The following MAN1A2 variants were observed in gnomAD, a reference collection of about 807,000 sequenced individuals.
The protein encoded by MAN1A2 is mannosidase alpha class 1A member 2.
A neutral mutation model predicts 75.7 loss-of-function variants in MAN1A2; 26 were observed. That is an observed-to-expected ratio of 0.34 (90% CI 0.25 to 0.48). MAN1A2 has a LOEUF of 0.48. MAN1A2 is among the 20% of genes least tolerant of loss of function. The pLI, the probability that MAN1A2 is intolerant of heterozygous loss-of-function variation, is 0.99. For synonymous variants in MAN1A2, 247 were observed against 264.6 expected, an observed-to-expected ratio of 0.93 and a Z score of 0.65; for missense variants, 562 against 775.5, an observed-to-expected ratio of 0.72 and a Z score of 3.27.
chr1:117,405,770 G>A (rs1470211199), intron 3 of MAN1A2, 125 bp downstream of exon 3: 40 of 701,430 alleles, frequency 5.7e-5, no homozygotes, highest in African/African-American at 1.1e-4. Flanking sequence ...GAAGAAACAG[G>A]TATGATTTTT....
rs901376805 is a variant in MAN1A2, at chr1:117,523,953, A to C, written c.*996A>C. The stretch of plus-strand genomic sequence containing the variant: ...AAAAATCACTATAAGGCAGCTCTAA[A>C]TTTGCCTTGATAAGCTAAATAAATT... On this transcript the variant is annotated 3_prime_UTR_variant, in exon 13 of 13. Coordinates refer to ENST00000356554, the MANE Select transcript of MAN1A2 (RefSeq NM_006699.5). 4 of 152,258 alleles carry C rather than the reference A, an allele frequency of 2.6e-5. No individual in the cohort carries two copies. Among genetic ancestry groups the C allele is most frequent in the African/African-American group, 9.7e-5 (4 of 41,422 alleles). The allele number at this position is 152,258 out of a possible 1,614,324, so 9.4% of individuals were successfully genotyped here.
intron 1 of MAN1A2, among the ~76,000 whole-genome samples, chr1:117,389,689 T>C (rs1653656168): frequency 6.6e-6 from 1 of 152,216 alleles, no homozygotes; most frequent in East Asian, 1.9e-4. Context: ...TTTAAAGGTC[T>C]TATAAGGTTT....
intron 8 of MAN1A2, among the ~76,000 whole-genome samples, chr1:117,471,039 CT>C (rs138176979): frequency 3.1e-4 from 46 of 148,032 alleles, no homozygotes; most frequent in Admixed American, 1.4e-3. Flanking sequence ...TTTTCTAAAA[CT>C]TTTTTTTTTG....
At chr1:117,483,277 A>G (rs1276911238) in intron 8 of MAN1A2, among the ~76,000 whole-genome samples, 1 of 152,116 alleles carries the variant, frequency 6.6e-6, no homozygotes, top group Non-Finnish European at 1.5e-5. Context: ...TCTGTGAAGA[A>G]AGTCATTGGT....
intron 1 of MAN1A2, among the ~76,000 whole-genome samples, chr1:117,372,387 T>C (rs981651547): frequency 6.6e-5 from 10 of 152,140 alleles, no homozygotes; most frequent in African/African-American, 2.2e-4. Context: ...AATGTCTAGG[T>C]TTCTGGGTGA....
chr1:117,387,837 C>T (rs1366628628), intron 1 of MAN1A2, among the ~76,000 whole-genome samples: 1 of 152,082 alleles, frequency 6.6e-6, no homozygotes, highest in Non-Finnish European at 1.5e-5. Flanking sequence ...TCTGTGTGTC[C>T]TCTCATGGTC....
chr1:117,386,768 A>AGTCCCTGTTTCTAGAGACACTGTCTCT (rs1557929192), intron 1 of MAN1A2, among the ~76,000 whole-genome samples: 1 of 151,784 alleles, frequency 6.6e-6, no homozygotes, highest in African/African-American at 2.4e-5. Flanking sequence ...CTGTCTCTAG[A>AGTCCCTGTTTCTAGAGACACTGTCTCT]AAAAAATAAA....
intron 3 of MAN1A2, among the ~76,000 whole-genome samples, chr1:117,410,072 A>T (rs1230320643): frequency 1.3e-5 from 2 of 151,922 alleles, no homozygotes; most frequent in Admixed American, 1.3e-4. Flanking sequence ...AGAATACCTA[A>T]TACAATAGAA....
intron 12 of MAN1A2, among the ~76,000 whole-genome samples, chr1:117,507,694 G>A (rs1052186582): frequency 6.6e-6 from 1 of 151,570 alleles, no homozygotes; most frequent in Non-Finnish European, 1.5e-5. Flanking sequence ...AATAAGGGGA[G>A]GAGTCATGTA....
intron 8 of MAN1A2, 82 bp downstream of exon 8, chr1:117,466,509 T>C (rs930824840): frequency 7.0e-6 from 6 of 862,876 alleles, no homozygotes; most frequent in Non-Finnish European, 1.1e-5. Flanking sequence ...AAAAGTACAC[T>C]ACGTGGAGTT....
intron 8 of MAN1A2, among the ~76,000 whole-genome samples, chr1:117,470,804 A>G (rs1438803445): frequency 6.6e-6 from 1 of 151,990 alleles, no homozygotes; most frequent in Non-Finnish European, 1.5e-5. Context: ...CATCTGTCAT[A>G]TTTATAAATA....
Position 117,493,209 on chromosome 1 carries a change from A to G in MAN1A2, c.1231A>G (p.Met411Val). The G allele has an allele frequency of 6.2e-7, 1 of 1,612,460 alleles. No homozygotes were observed. The highest frequency in any genetic ancestry group is 8.5e-7 in the Non-Finnish European group (1 of 1,179,070). The change falls in exon 9 of 13, where the codon ATG becomes GTG. Residue 411 changes from methionine (M) to valine (V), a missense_variant. This residue lies in a region of MAN1A2 where 434 missense variants were observed against 645.7 expected (regional missense o/e 0.67). Coordinates refer to ENST00000356554, the MANE Select transcript of MAN1A2 (RefSeq NM_006699.5). ...FYEYLLKAWL[M>V]SDKTDHEARK... ...TGAATACTTACTGAAAGCATGGTTG[A>G]TGTCAGATAAAACAGACCATGAGGC... is the stretch of plus-strand genomic sequence containing the variant.
chr1:117,466,454 T>C, intron 8 of MAN1A2, 27 bp downstream of exon 8: 2 of 1,421,566 alleles, frequency 1.4e-6, no homozygotes, highest in Non-Finnish European at 1.9e-6. Flanking sequence ...ACCTGAGGCT[T>C]TCTTAAAAAA....
At chr1:117,375,542 G>T (rs1653108016) in intron 1 of MAN1A2, among the ~76,000 whole-genome samples, 1 of 152,002 alleles carries the variant, frequency 6.6e-6, no homozygotes, top group Non-Finnish European at 1.5e-5. Context: ...TAGCTCTCTT[G>T]GCCTCCCCTT....
chr1:117,472,811 GA>G (rs1226569546), intron 8 of MAN1A2, among the ~76,000 whole-genome samples: 1 of 151,808 alleles, frequency 6.6e-6, no homozygotes, highest in Non-Finnish European at 1.5e-5. Context: ...TAAAACATGA[GA>G]TTTTTTTTTT....
chr1:117,398,735 T>A (rs1647299869), intron 1 of MAN1A2, among the ~76,000 whole-genome samples: 2 of 151,450 alleles, frequency 1.3e-5, no homozygotes. Context: ...TAGAGGAGTA[T>A]GTATGAGATG....
rs191547162 is a variant in MAN1A2 at position 117,483,033 on chromosome 1, A to C, written c.1169-10114A>C. On this transcript the variant is annotated intron_variant, in intron 8 of 12. Transcript: ENST00000356554. Reference sequence around the variant, plus strand: ...ATTTCTTGTTTTTGTCAGGTTTGTCAAAGGTCAGATGGTTGTAGATGTGTG... The same window carrying C: ...ATTTCTTGTTTTTGTCAGGTTTGTCCAAGGTCAGATGGTTGTAGATGTGTG... Among the ~76,000 whole-genome samples, 60 of 152,178 alleles carry C rather than the reference A, an allele frequency of 3.9e-4. 2 individuals carry two copies. In the East Asian group the frequency reaches 0.011, roughly 28 times the overall value.
At chr1:117,429,990 C>A in intron 5 of MAN1A2, among the ~76,000 whole-genome samples, 1 of 63,570 alleles carries the variant, frequency 1.6e-5, no homozygotes, top group Non-Finnish European at 3.3e-5. Flanking sequence ...GGGCTGACCC[C>A]CCCACCTCCC....
chr1:117,526,922 A>G lies in MAN1A2; in HGVS notation c.*3965A>G, dbSNP rs924330415. 7.1e-6 allele frequency: 1 copy of G among 141,510 alleles called. No homozygotes were observed. Among genetic ancestry groups the G allele is most frequent in the African/African-American group, 2.6e-5 (1 of 38,170 alleles). The allele number at this position is 141,510 out of a possible 1,614,324, so 8.8% of individuals were successfully genotyped here. The stretch of plus-strand genomic sequence containing the variant: ...TATATATATATATGAGAGATATATG[A>G]GATATATGAGAGATCAAGATCTATA... On this transcript the variant is annotated 3_prime_UTR_variant, in exon 13 of 13. Coordinates refer to ENST00000356554, the MANE Select transcript of MAN1A2 (RefSeq NM_006699.5).
Sources: allele counts gnomAD v4.1 joint callset (sites outside exome capture counted in the v4.1 genomes callset), GRCh38; gene constraint gnomAD v4.1.1; regional missense constraint gnomAD v4.1.1; transcripts MANE v1.5; gene names NCBI Gene and HGNC (gene_info 2026-07-23, HGNC 2026-07-21).